PREX1: variants seen among roughly 807,000 people sequenced by gnomAD.
The protein encoded by PREX1 is phosphatidylinositol 3,4,5-trisphosphate-dependent Rac exchanger 1 protein.
In PREX1, 41 loss-of-function variants were observed where a neutral mutation model predicts 198.3. The observed-to-expected ratio is 0.21, with a 90% CI of 0.16 to 0.27. The LOEUF is 0.27. PREX1 is among the 10% of genes least tolerant of loss of function. The pLI is 1.00. For synonymous variants in PREX1, 843 were observed against 887.2 expected (o/e 0.95, Z 0.89); for missense variants, 1,620 against 2,200.7 (o/e 0.74, Z 5.28).
At chr20:48,642,365 G>A (rs540475903) in intron 28 of PREX1, 42 bp downstream of exon 28, 10 of 1,606,544 alleles carry the variant, frequency 6.2e-6, no homozygotes, top group East Asian at 4.5e-5. Context: ...GGTGTGACAG[G>A]AGGAACCCAA....
In PREX1 at chr20:48,625,267, G is replaced by A. The variant is rs41283442; in HGVS notation, c.*618C>T. 0.12 allele frequency: 18,873 copies of A among 152,328 alleles called. 1,238 individuals carry two copies. The highest frequency in any genetic ancestry group is 0.17 in the African/African-American group (6,933 of 41,470). 9.4% of individuals were successfully genotyped at this position (152,328 alleles called of 1,614,324 possible). On this transcript the variant is annotated 3_prime_UTR_variant, in exon 40 of 40. Coordinates refer to ENST00000371941, the MANE Select transcript of PREX1 (RefSeq NM_020820.4). Reference sequence around the variant, plus strand: ...TATAAATAAAGTCAGAGCAAATCTCGTGCCCAGGGCTGGTGGCCCCAGTTC... The same window carrying A: ...TATAAATAAAGTCAGAGCAAATCTCATGCCCAGGGCTGGTGGCCCCAGTTC...
Position 48,678,628 on chromosome 20 carries a change from C to T in PREX1, c.1589+732G>A, listed in dbSNP as rs188621575. On this transcript the variant is annotated intron_variant, in intron 13 of 39. Transcript: ENST00000371941. ...ACTACTGAATCGTGGGGCAGTTCCC[C>T]CATACTGTTCTTGTGGTAGTGAATA... Among the ~76,000 whole-genome samples, 120 of 152,232 alleles carry T rather than the reference C, an allele frequency of 7.9e-4. 1 individual carries two copies. The highest frequency in any genetic ancestry group is 2.8e-3 in the African/African-American group (115 of 41,524).
chr20:48,633,743 G>A (rs895086743), intron 33 of PREX1, among the ~76,000 whole-genome samples: 1 of 152,164 alleles, frequency 6.6e-6, no homozygotes, highest in African/African-American at 2.4e-5. Flanking sequence ...AGACTACCCA[G>A]CACCCAGACC....
the PREX1 span, among the ~76,000 whole-genome samples, chr20:48,882,953 A>G: frequency 3.7e-5 from 4 of 107,728 alleles, no homozygotes; most frequent in African/African-American, 1.5e-4. Flanking sequence ...TTTTTTTTAG[A>G]TGAAGTCTTG....
chr20:48,694,395 C>CAGG (rs2089834979), intron 7 of PREX1, among the ~76,000 whole-genome samples: 1 of 152,182 alleles, frequency 6.6e-6, no homozygotes, highest in African/African-American at 2.4e-5. Context: ...TACTATGTGC[C>CAGG]AGGCACTGTT....
rs1193086725 is a variant in PREX1, at chr20:48,657,025, C to T, written c.2123+15G>A. ...AGAGGGAGGGCTGCCGGACACCCCG[C>T]CCTGGGACACTCACTCTTTGGCCTT... On this transcript the variant is annotated intron_variant, in intron 18 of 39. Coordinates refer to ENST00000371941, the MANE Select transcript of PREX1 (RefSeq NM_020820.4). The T allele has an allele frequency of 4.4e-6, 7 of 1,573,578 alleles. No individual in the cohort carries two copies. In the South Asian group the frequency reaches 5.8e-5, roughly 13 times the overall value.
chr20:48,689,851 G>A (rs1010678948), intron 9 of PREX1, among the ~76,000 whole-genome samples: 7 of 152,228 alleles, frequency 4.6e-5, no homozygotes, highest in African/African-American at 1.2e-4. Context: ...ATTTGGCCCC[G>A]CTGGGCCCAT....
chr20:48,748,533 C>G (rs1041878144), intron 1 of PREX1, among the ~76,000 whole-genome samples: 2 of 151,990 alleles, frequency 1.3e-5, no homozygotes, highest in South Asian at 4.2e-4. Flanking sequence ...CTGGATGACC[C>G]GCACCTGGAT....
intron 14 of PREX1, among the ~76,000 whole-genome samples, chr20:48,675,992 G>T (rs953030988): frequency 6.6e-6 from 1 of 150,612 alleles, no homozygotes; most frequent in Non-Finnish European, 1.5e-5. Context: ...AGCTAAGACT[G>T]CACTACTGCA....
In PREX1 at chr20:48,708,347, G is replaced by T. The variant is rs531217225; in HGVS notation, c.696C>A (p.Thr232=). The T allele has an allele frequency of 4.3e-6, 7 of 1,614,108 alleles. No individual in the cohort carries two copies. In the African/African-American group the frequency reaches 6.7e-5, roughly 15 times the overall value. Residue 232 remains threonine (T), a synonymous_variant, in exon 6 of 40, where the codon ACC becomes ACA. Coordinates refer to ENST00000371941, the MANE Select transcript of PREX1 (RefSeq NM_020820.4). ...AVQSALQAMK[T]VCSNINETKR... is the part of the protein sequence containing the mutation. ...TGGTCTCATTGATGTTGGAGCAAAC[G>T]GTCTTCATGGCCTGCAGGGCACTCT...
In PREX1 at chr20:48,644,523, T is replaced by A. The variant is rs746397660; in HGVS notation, c.3513-26A>T. ...CTGCAAAGGGGCCCAGAGAAGGGGC[T>A]GAGTCACCCTGAGCTCAGGCCATCT... On this transcript the variant is annotated intron_variant, in intron 26 of 39. Transcript: ENST00000371941. 9 of 1,598,932 alleles carry A rather than the reference T, an allele frequency of 5.6e-6. No individual in the cohort carries two copies. In the Admixed American group the frequency reaches 1.5e-4, roughly 27 times the overall value.
At chr20:48,636,779 A>C in intron 31 of PREX1, 96 bp from the exon 32 acceptor site, 1 of 1,079,434 alleles carries the variant, frequency 9.3e-7, no homozygotes, top group East Asian at 2.6e-5. Flanking sequence ...CCCTCATGGA[A>C]CCCCCAGCAA....
At chr20:48,792,144 A>G (rs1054114645) in intron 1 of PREX1, among the ~76,000 whole-genome samples, 1 of 152,170 alleles carries the variant, frequency 6.6e-6, no homozygotes, top group African/African-American at 2.4e-5. Context: ...TGTCTCCCCA[A>G]CATCCAAGGC....
At chr20:48,664,961 CA>C (rs1483267147) in intron 15 of PREX1, among the ~76,000 whole-genome samples, 1 of 146,252 alleles carries the variant, frequency 6.8e-6, no homozygotes, top group East Asian at 2.0e-4. Context: ...ATCCTGACTC[CA>C]GACGGCCTGA....
In PREX1 at chr20:48,742,970, G is replaced by C. The variant is rs894615938; in HGVS notation, c.414+2055C>G. On this transcript the variant is annotated intron_variant, in intron 3 of 39. Transcript: ENST00000371941. Reference sequence around the variant, plus strand: ...CTTTCTCCCACTTTTGCTAAGTATAGGCAATCCTAAGCAAGCTCGGATCAT... The same window carrying C: ...CTTTCTCCCACTTTTGCTAAGTATACGCAATCCTAAGCAAGCTCGGATCAT... Among the ~76,000 whole-genome samples the C allele has an allele frequency of 3.3e-5, 5 of 152,196 alleles. No homozygotes were observed. The East Asian group carries it at 9.6e-4, about 29-fold the overall frequency.
intron 1 of PREX1, among the ~76,000 whole-genome samples, chr20:48,783,029 T>C (rs911864886): frequency 1.3e-5 from 2 of 152,090 alleles, no homozygotes; most frequent in African/African-American, 2.4e-5. Flanking sequence ...CGGAACCAGG[T>C]TGCCTGGGTT....
the PREX1 span, among the ~76,000 whole-genome samples, chr20:48,837,869 T>C: frequency 2.0e-5 from 3 of 148,180 alleles, no homozygotes; most frequent in Non-Finnish European, 4.5e-5. Flanking sequence ...ATTTAAAAAT[T>C]GAAAGAAAAA....
rs191459991 is a variant in PREX1, at chr20:48,679,638, G to C, written c.1539+13C>G. 2 of 1,585,548 alleles carry C rather than the reference G, an allele frequency of 1.3e-6. No individual in the cohort carries two copies. Among genetic ancestry groups the C allele is most frequent in the Non-Finnish European group, 1.7e-6 (2 of 1,154,174 alleles). On this transcript the variant is annotated intron_variant, in intron 12 of 39. Transcript: ENST00000371941. ...CCAGCTGAGTCAGAGTCACAGGGGC[G>C]GAGGGCCCCTACCTTGGACATGATG...
chr20:48,720,073 C>T (rs546468999), intron 5 of PREX1, among the ~76,000 whole-genome samples: 1 of 152,320 alleles, frequency 6.6e-6, no homozygotes, highest in African/African-American at 2.4e-5. Context: ...AGTCCTGCCC[C>T]AGGGCCTTTG....
Sources: allele counts gnomAD v4.1 joint callset (sites outside exome capture counted in the v4.1 genomes callset), GRCh38; gene constraint gnomAD v4.1.1; transcripts MANE v1.5; gene names NCBI Gene and HGNC (gene_info 2026-07-23, HGNC 2026-07-21).